The following BMPR2 variants were observed in gnomAD, a reference collection of about 807,000 sequenced individuals.
The protein encoded by BMPR2 is bone morphogenetic protein receptor type 2.
A neutral mutation model predicts 100.8 loss-of-function variants in BMPR2; 29 were observed. That is an observed-to-expected ratio of 0.29 (90% CI 0.21 to 0.39). The LOEUF (loss-of-function observed/expected upper bound fraction) is 0.39. Among genes scored for constraint, BMPR2 ranks in the 10% least tolerant of loss-of-function variants. BMPR2 has a pLI of 1.00. For synonymous variants in BMPR2, 382 were observed against 442.3 expected (o/e 0.86, Z 1.71); for missense variants, 1,011 against 1,274.5 (o/e 0.79, Z 3.15).
intron 3 of BMPR2, among the ~76,000 whole-genome samples, chr2:202,502,587 G>A (rs909861714): frequency 9.2e-5 from 14 of 152,160 alleles, no homozygotes; most frequent in Admixed American, 4.6e-4. Flanking sequence ...TCTTCAACCC[G>A]TATCTACCTC....
chr2:202,403,745 G>A (rs539896501), intron 1 of BMPR2, among the ~76,000 whole-genome samples: 26 of 152,208 alleles, frequency 1.7e-4, no homozygotes, highest in African/African-American at 6.0e-4. Context: ...GGTGGCTCAC[G>A]CCTATAATCC....
chr2:202,487,115 A>G (rs1217164633), intron 3 of BMPR2, among the ~76,000 whole-genome samples: 1 of 152,210 alleles, frequency 6.6e-6, no homozygotes. Flanking sequence ...ATAGCAAACT[A>G]TTTTTTAATT....
chr2:202,396,827 C>T (rs942949984), intron 1 of BMPR2, among the ~76,000 whole-genome samples: 1 of 151,482 alleles, frequency 6.6e-6, no homozygotes, highest in Non-Finnish European at 1.5e-5. Context: ...TTCGGAGTTT[C>T]GCTCTTCTTG....
At chr2:202,508,504 A>G (rs1687568044) in intron 3 of BMPR2, among the ~76,000 whole-genome samples, 1 of 152,234 alleles carries the variant, frequency 6.6e-6, no homozygotes, top group Non-Finnish European at 1.5e-5. Flanking sequence ...CAATGTATGT[A>G]TTAAAATTGA....
chr2:202,406,917 T>C lies in BMPR2; in HGVS notation c.76+29367T>C, dbSNP rs139031871. ...CCCGAGGAGTCCTGTTCAGGTGTTA[T>C]TCTTTTTTCTTTTTTACTTTTTCTT... On this transcript the variant is annotated intron_variant, in intron 1 of 12. Transcript: ENST00000374580. 3.3e-4 allele frequency among the ~76,000 whole-genome samples: 50 copies of C among 152,204 alleles called. No homozygotes were observed. The South Asian group carries it at 5.2e-3, about 16-fold the overall frequency.
At chr2:202,384,286 AC>A (rs1690369328) in intron 1 of BMPR2, among the ~76,000 whole-genome samples, 1 of 152,246 alleles carries the variant, frequency 6.6e-6, no homozygotes, top group Non-Finnish European at 1.5e-5. Context: ...CGTTTAAAAT[AC>A]ATTACCCAAA....
At chr2:202,499,896 G>T (rs1687342972) in intron 3 of BMPR2, among the ~76,000 whole-genome samples, 1 of 152,186 alleles carries the variant, frequency 6.6e-6, no homozygotes, top group South Asian at 2.1e-4. Flanking sequence ...AGAAAATGGA[G>T]TAGGCCAATC....
Position 202,560,154 on chromosome 2 carries a change from A to C in BMPR2, c.*208A>C. 1 of 628,410 alleles carries C rather than the reference A, an allele frequency of 1.6e-6. No homozygotes were observed. The highest frequency in any genetic ancestry group is 3.0e-5 in the East Asian group (1 of 33,736). 38.9% of individuals were successfully genotyped at this position (628,410 alleles called of 1,614,324 possible). A position where few individuals can be genotyped will look rare whatever the true frequency, so the allele number is the denominator to read the frequency against. On this transcript the variant is annotated 3_prime_UTR_variant, in exon 13 of 13. Coordinates refer to ENST00000374580, the MANE Select transcript of BMPR2 (RefSeq NM_001204.7). ...TTAAATTTTGTTTTTTAAGTTTTGC[A>C]CTTTTGTTTAGTCTCGCTAAAGTTA...
At chr2:202,522,825 G>A (rs768690967) in intron 7 of BMPR2, among the ~76,000 whole-genome samples, 6 of 151,114 alleles carry the variant, frequency 4.0e-5, no homozygotes, top group Non-Finnish European at 4.4e-5. Flanking sequence ...GTGAGACATC[G>A]TCTAAAAAAA....
At position 202,563,017 on chromosome 2, in the gene BMPR2, T is replaced by G. The variant is rs1472200946; in HGVS notation, c.*3071T>G. 6.6e-6 allele frequency: 1 copy of G among 152,160 alleles called. No homozygotes were observed. Among genetic ancestry groups the G allele is most frequent in the Non-Finnish European group, 1.5e-5 (1 of 68,038 alleles). 9.4% of individuals were successfully genotyped at this position (152,160 alleles called of 1,614,324 possible). A position where few individuals can be genotyped will look rare whatever the true frequency, so the allele number is the denominator to read the frequency against. On this transcript the variant is annotated 3_prime_UTR_variant, in exon 13 of 13. Transcript: ENST00000374580. ...GAGAAGCTAAGTAATATGCCCAAGG[T>G]CCACATCTAGTAACAGACAAAGCTG...
chr2:202,440,970 AT>A (rs1691728305), intron 1 of BMPR2, among the ~76,000 whole-genome samples: 1 of 150,210 alleles, frequency 6.7e-6, no homozygotes, highest in Non-Finnish European at 1.5e-5. Flanking sequence ...CATAGAAAAT[AT>A]TATTATTATT....
rs549164375 is a variant in BMPR2 at position 202,433,253 on chromosome 2, A to ATAGG, written c.77-31536_77-31533dup. The stretch of plus-strand genomic sequence containing the variant: ...AAACAGAACCAATAGGAGTAAGTAG[A>ATAGG]TAGGTAGGTAGGTAGGTAGGTAGAT... On this transcript the variant is annotated intron_variant, in intron 1 of 12. Coordinates refer to ENST00000374580, the MANE Select transcript of BMPR2 (RefSeq NM_001204.7). 8.5e-4 allele frequency among the ~76,000 whole-genome samples: 128 copies of ATAGG among 150,554 alleles called. 7 individuals carry two copies. The highest frequency in any genetic ancestry group is 9.2e-4 in the Admixed American group (14 of 15,212).
At chr2:202,528,675 C>T (rs559826546) in intron 7 of BMPR2, among the ~76,000 whole-genome samples, 1 of 152,256 alleles carries the variant, frequency 6.6e-6, no homozygotes, top group African/African-American at 2.4e-5. Flanking sequence ...ACAAAGTCTA[C>T]TTTATAATAA....
At chr2:202,531,460 G>A (rs1490419523) in intron 8 of BMPR2, among the ~76,000 whole-genome samples, 1 of 152,158 alleles carries the variant, frequency 6.6e-6, no homozygotes, top group African/African-American at 2.4e-5. Flanking sequence ...GAACAAATTT[G>A]TAGGAACTGA....
At chr2:202,447,910 C>T (rs1275437403) in intron 1 of BMPR2, among the ~76,000 whole-genome samples, 1 of 150,354 alleles carries the variant, frequency 6.7e-6, no homozygotes, top group Non-Finnish European at 1.5e-5. Flanking sequence ...ATTTAGTCCT[C>T]TTTTAAGAGT....
At chr2:202,499,137 TCC>T (rs1391365700) in intron 3 of BMPR2, among the ~76,000 whole-genome samples, 2 of 152,146 alleles carry the variant, frequency 1.3e-5, no homozygotes, top group African/African-American at 4.8e-5. Flanking sequence ...TGGGTACGTG[TCC>T]CCTTCTCCCT....
chr2:202,478,344 A>G (rs1239410541), intron 3 of BMPR2, among the ~76,000 whole-genome samples: 1 of 152,204 alleles, frequency 6.6e-6, no homozygotes, highest in Non-Finnish European at 1.5e-5. Flanking sequence ...TCAATGAGTC[A>G]ACCATATACA....
At chr2:202,553,990 C>T (rs949102021) in intron 11 of BMPR2, among the ~76,000 whole-genome samples, 11 of 152,162 alleles carry the variant, frequency 7.2e-5, no homozygotes, top group African/African-American at 9.7e-5. Context: ...CCACCGTGCC[C>T]GGCCTATTTT....
At chr2:202,409,385 T>A (rs545853934) in intron 1 of BMPR2, among the ~76,000 whole-genome samples, 2 of 152,070 alleles carry the variant, frequency 1.3e-5, no homozygotes, top group South Asian at 4.2e-4. Context: ...TTCAAAAAAA[T>A]TATATTTTCC....
Sources: allele counts gnomAD v4.1 joint callset (sites outside exome capture counted in the v4.1 genomes callset), GRCh38; gene constraint gnomAD v4.1.1; transcripts MANE v1.5; gene names NCBI Gene and HGNC (gene_info 2026-07-23, HGNC 2026-07-21).